Variants in MPV17L observed in about 807,000 individuals in gnomAD.
MPV17L encodes MPV17 mitochondrial inner membrane protein like, also known as mpv17-like protein.
MPV17L carries 24 observed loss-of-function variants against 25.8 expected under a neutral mutation model. The observed-to-expected ratio is 0.93, with a 90% confidence interval of 0.67 to 1.31. The LOEUF (loss-of-function observed/expected upper bound fraction) is 1.31, where lower values mean the gene tolerates loss of function less well. MPV17L is among the 50% of genes most tolerant of loss of function. The pLI is 0.00. For missense variants in MPV17L, 250 were observed against 265.6 expected (o/e 0.94, Z 0.41); for synonymous variants, 102 against 115.3 (o/e 0.88, Z 0.74).
chr16:15,407,513 T>TG (rs5815831), intron 2 of MPV17L, among the ~76,000 whole-genome samples: 117,904 of 151,892 alleles, frequency 0.78, 46,603 homozygotes, highest in Non-Finnish European at 0.86. Flanking sequence ...GATGCCGAGG[T>TG]GGTGGATCAC....
rs576841229 is a variant in MPV17L, at chr16:15,409,250, T to C, written c.*1138T>C. On this transcript the variant is annotated 3_prime_UTR_variant, in exon 4 of 4. Transcript: ENST00000396385. ...GCAGGTGCCACCATGCCTGGCTCAT[T>C]TTTGTATTTTTAGTAGAGAGGGCGT... 1 of 152,088 alleles carries C rather than the reference T, an allele frequency of 6.6e-6. No homozygotes were observed. The highest frequency in any genetic ancestry group is 1.9e-4 in the East Asian group (1 of 5,170). 9.4% of individuals were successfully genotyped at this position (152,088 alleles called of 1,614,324 possible).
chr16:15,396,955 G>C (rs917262475), intron 1 of MPV17L, among the ~76,000 whole-genome samples: 5 of 152,130 alleles, frequency 3.3e-5, no homozygotes, highest in African/African-American at 1.2e-4. Context: ...ACAGGGGCTT[G>C]ACTGTGGAAA....
At chr16:15,402,541 C>A (rs1450731953) in intron 2 of MPV17L, among the ~76,000 whole-genome samples, 2 of 135,052 alleles carry the variant, frequency 1.5e-5, no homozygotes, top group Non-Finnish European at 3.2e-5. Context: ...TCCCCTGAGC[C>A]TCTATACTCA....
Position 15,410,166 on chromosome 16 carries a change from T to C in MPV17L, c.*2054T>C, listed in dbSNP as rs1453353499. On this transcript the variant is annotated 3_prime_UTR_variant, in exon 4 of 4. Transcript: ENST00000396385. Reference sequence around the variant, plus strand: ...AAAATTATGTAACTATCTCAAGAAGTTTCACTTGGACGTAGTGGTTCACGC... The same window carrying C: ...AAAATTATGTAACTATCTCAAGAAGCTTCACTTGGACGTAGTGGTTCACGC... 1 of 152,148 alleles carries C rather than the reference T, an allele frequency of 6.6e-6. No individual in the cohort carries two copies. Among genetic ancestry groups the C allele is most frequent in the Non-Finnish European group, 1.5e-5 (1 of 68,044 alleles). 9.4% of individuals were successfully genotyped at this position (152,148 alleles called of 1,614,324 possible).
intron 2 of MPV17L, among the ~76,000 whole-genome samples, chr16:15,405,351 T>C (rs1383392650): frequency 6.7e-6 from 1 of 148,192 alleles, no homozygotes; most frequent in East Asian, 2.0e-4. Context: ...CTGGCCCGCA[T>C]AGTGAGGCCT....
intron 2 of MPV17L, among the ~76,000 whole-genome samples, chr16:15,406,192 A>AT (rs1203326133): frequency 6.6e-6 from 1 of 151,138 alleles, no homozygotes; most frequent in African/African-American, 2.4e-5. Context: ...CCATCTCAAA[A>AT]AATATATATA....
At chr16:15,400,427 T>A (rs1235750258) in intron 1 of MPV17L, among the ~76,000 whole-genome samples, 1 of 150,138 alleles carries the variant, frequency 6.7e-6, no homozygotes, top group Non-Finnish European at 1.5e-5. Flanking sequence ...CACAGCTCAC[T>A]GCAGCCTCCA....
intron 2 of MPV17L, among the ~76,000 whole-genome samples, chr16:15,404,034 G>A (rs2150906771): frequency 6.6e-6 from 1 of 152,196 alleles, no homozygotes; most frequent in African/African-American, 2.4e-5. Flanking sequence ...GAGCCCAGGA[G>A]GTCGAGACTG....
chr16:15,413,012 ATTTACT>A lies in MPV17L; in HGVS notation c.*4905_*4910del, dbSNP rs2050748407. On this transcript the variant is annotated 3_prime_UTR_variant, in exon 4 of 4. Transcript: ENST00000396385. ...AAAGATAGTTTTTGTTACATGGGAA[ATTTACT>A]TTTAGTACAGTAAAATGTTATGTGA... is the stretch of plus-strand genomic sequence containing the variant. The A allele has an allele frequency of 6.6e-6, 1 of 152,280 alleles. No homozygotes were observed. Among genetic ancestry groups the A allele is most frequent in the East Asian group, 1.9e-4 (1 of 5,192 alleles). The allele number at this position is 152,280 out of a possible 1,614,324, so 9.4% of individuals were successfully genotyped here.
chr16:15,396,130 C>G lies in MPV17L; in HGVS notation c.233C>G (p.Ala78Gly), dbSNP rs1310714958. 2 of 1,546,884 alleles carry G rather than the reference C, an allele frequency of 1.3e-6. No homozygotes were observed. The highest frequency in any genetic ancestry group is 1.7e-6 in the Non-Finnish European group (2 of 1,146,744). ...CTGGAGCGCGCGCTCCCGGGCCGAG[C>G]GCCGCACGCCCTGCTGGCCAAGTTG... ...RLLERALPGR[A>G]PHALLAKLLC... The change falls in exon 1 of 4, where the codon GCG (alanine) becomes GGG (glycine). Residue 78 changes from alanine to glycine, a missense_variant. Coordinates refer to ENST00000396385, the MANE Select transcript of MPV17L (RefSeq NM_001128423.2).
rs1321247995 is a variant in MPV17L, at chr16:15,396,245, G to A, written c.310+38G>A. ...GAGGGGACCTGGGGGGTGGGACCCA[G>A]TATTGGGGGACTGGAGGCTGGGACT... On this transcript the variant is annotated intron_variant, in intron 1 of 3. Transcript: ENST00000396385. 9.1e-6 allele frequency: 14 copies of A among 1,537,516 alleles called. 1 individual carries two copies. The highest frequency in any genetic ancestry group is 3.6e-5 in the South Asian group (3 of 83,438).
intron 1 of MPV17L, 117 bp downstream of exon 1, chr16:15,396,324 G>A: frequency 7.6e-7 from 1 of 1,322,630 alleles, no homozygotes; most frequent in East Asian, 2.6e-5. Context: ...GACCCGGGCA[G>A]GAGCCGGGGC....
intron 2 of MPV17L, among the ~76,000 whole-genome samples, 171 bp downstream of exon 2, chr16:15,401,028 T>G (rs1455787857): frequency 7.4e-6 from 1 of 136,040 alleles, no homozygotes; most frequent in East Asian, 2.1e-4. Flanking sequence ...ACGTGTTTAA[T>G]CACATCAGGA....
Position 15,408,710 on chromosome 16 carries a change from C to G in MPV17L, c.*598C>G, listed in dbSNP as rs769557629. On this transcript the variant is annotated 3_prime_UTR_variant, in exon 4 of 4. Coordinates refer to ENST00000396385, the MANE Select transcript of MPV17L (RefSeq NM_001128423.2). ...CTCCATCCTCTGGGTTCAAGCAATTCTCCTGCCTCAGGCTCCTGAGTAGCT... is the reference window on the plus strand; with the variant it reads ...CTCCATCCTCTGGGTTCAAGCAATTGTCCTGCCTCAGGCTCCTGAGTAGCT... 1 of 144,454 alleles carries G rather than the reference C, an allele frequency of 6.9e-6. No individual in the cohort carries two copies. Among genetic ancestry groups the G allele is most frequent in the East Asian group, 2.1e-4 (1 of 4,818 alleles). The allele number at this position is 144,454 out of a possible 1,614,324, so 8.9% of individuals were successfully genotyped here. A position where few individuals can be genotyped will look rare whatever the true frequency, so the allele number is the denominator to read the frequency against.
intron 2 of MPV17L, among the ~76,000 whole-genome samples, chr16:15,405,451 T>A (rs1381455587): frequency 7.1e-6 from 1 of 140,910 alleles, no homozygotes; most frequent in African/African-American, 2.6e-5. Context: ...AAAGTTTTAA[T>A]TTTTTTTTTT....
At chr16:15,399,303 C>T in intron 1 of MPV17L, 3 of 411,490 alleles carry the variant, frequency 7.3e-6, no homozygotes, top group South Asian at 3.6e-5. Context: ...TATATTCCCT[C>T]CCTCCTAATC....
At chr16:15,403,839 AG>A (rs1459600971) in intron 2 of MPV17L, among the ~76,000 whole-genome samples, 1 of 152,120 alleles carries the variant, frequency 6.6e-6, no homozygotes, top group Non-Finnish European at 1.5e-5. Flanking sequence ...GCAAACCAGT[AG>A]TCTGAAGCCC....
chr16:15,396,595 C>G lies in MPV17L; in HGVS notation c.310+388C>G, dbSNP rs1346147347. Among the ~76,000 whole-genome samples, 3 of 152,096 alleles carry G rather than the reference C, an allele frequency of 2.0e-5. No homozygotes were observed. In the East Asian group the frequency reaches 5.8e-4, roughly 29 times the overall value. ...GCCCACGGGAAAATAAAGGAGATCC[C>G]AGTTCAAGGCCGTAGCAGCTGCAAT... On this transcript the variant is annotated intron_variant, in intron 1 of 3. Coordinates refer to ENST00000396385, the MANE Select transcript of MPV17L (RefSeq NM_001128423.2).
intron 2 of MPV17L, among the ~76,000 whole-genome samples, chr16:15,405,349 C>T (rs2050671107): frequency 6.9e-6 from 1 of 145,472 alleles, no homozygotes; most frequent in African/African-American, 2.6e-5. Flanking sequence ...ACCTGGCCCG[C>T]ATAGTGAGGC....
Sources: allele counts gnomAD v4.1 joint callset (sites outside exome capture counted in the v4.1 genomes callset), GRCh38; gene constraint gnomAD v4.1.1; transcripts MANE v1.5; gene names NCBI Gene and HGNC (gene_info 2026-07-23, HGNC 2026-07-21).